The following DLC1 variants were observed in gnomAD, a reference collection of about 807,000 sequenced individuals.
DLC1 encodes the protein DLC1 Rho GTPase activating protein, also known as rho GTPase-activating protein 7.
Under a neutral mutation model 140.3 loss-of-function variants are expected in DLC1, and 54 were observed. The ratio of observed to expected loss-of-function variants is 0.38; its 90% CI spans 0.31 to 0.48. DLC1 has a LOEUF of 0.48. DLC1 is among the 20% of genes least tolerant of loss of function. The pLI, the probability that DLC1 is intolerant of heterozygous loss-of-function variation, is 0.96. For missense variants in DLC1, 2,536 were observed against 1,907.0 expected (o/e 1.33, Z -6.14); for synonymous variants, 986 against 728.1 (o/e 1.35, Z -5.70).
intron 5 of DLC1, among the ~76,000 whole-genome samples, chr8:13,243,885 C>T (rs1455043802): frequency 6.6e-6 from 1 of 152,090 alleles, no homozygotes; most frequent in African/African-American, 2.4e-5. Context: ...TTGACTGTCC[C>T]TCTCTCTTAA....
chr8:13,325,494 A>T (rs1375467397), intron 4 of DLC1, among the ~76,000 whole-genome samples: 1 of 151,846 alleles, frequency 6.6e-6, no homozygotes, highest in Non-Finnish European at 1.5e-5. Context: ...AATCTCACAG[A>T]GTCATGTATG....
chr8:13,465,411 A>G (rs1799886566), intron 2 of DLC1, among the ~76,000 whole-genome samples: 1 of 152,166 alleles, frequency 6.6e-6, no homozygotes, highest in South Asian at 2.1e-4. Context: ...CACTTGGTGT[A>G]TTTGACATTT....
At chr8:13,518,782 A>G (rs1429613433), upstream of DLC1, among the ~76,000 whole-genome samples, 1 of 152,320 alleles carries the variant, frequency 6.6e-6, no homozygotes, top group South Asian at 2.1e-4. Context: ...AAATATCTAC[A>G]TGCATACAGT....
At chr8:13,591,168 A>G (rs1805501812) in intron 1 of DLC1, among the ~76,000 whole-genome samples, 1 of 152,152 alleles carries the variant, frequency 6.6e-6, no homozygotes, top group Non-Finnish European at 1.5e-5. Flanking sequence ...TATTAAAAAT[A>G]GAATGGAAAC....
chr8:13,448,157 C>A (rs1025887034), intron 2 of DLC1, among the ~76,000 whole-genome samples: 1 of 152,032 alleles, frequency 6.6e-6, no homozygotes, highest in Non-Finnish European at 1.5e-5. Context: ...GCTGGGAAAG[C>A]GTCTCTCCAG....
At chr8:13,485,570 G>A (rs985910323) in intron 2 of DLC1, among the ~76,000 whole-genome samples, 2 of 152,190 alleles carry the variant, frequency 1.3e-5, no homozygotes, top group African/African-American at 4.8e-5. Flanking sequence ...ATCACTCACT[G>A]TATCAATGTA....
At chr8:13,296,087 C>G (rs897920055) in intron 5 of DLC1, among the ~76,000 whole-genome samples, 4 of 150,978 alleles carry the variant, frequency 2.6e-5, no homozygotes, top group Non-Finnish European at 4.4e-5. Context: ...TCCCGAGTAG[C>G]TGGGATCATA....
chr8:13,257,439 G>GAAAAAAAAAAAAAAAAAA (rs34452124), intron 5 of DLC1, among the ~76,000 whole-genome samples: 1 of 104,468 alleles, frequency 9.6e-6, no homozygotes, highest in African/African-American at 3.7e-5. Flanking sequence ...CCTGTCTCAG[G>GAAAAAAAAAAAAAAAAAA]AAAAAAAAAA....
Position 13,088,659 on chromosome 8 carries a change from C to T in DLC1, c.4120G>A (p.Val1374Ile), listed in dbSNP as rs1817776436. ...PLRLWRSVIE[V>I]PAVPEEILKR... The stretch of plus-strand genomic sequence containing the variant: ...AAGATTTCCTCTGGCACAGCAGGGA[C>T]TTCAATGACTGACCTCCAAAGCCTC... The change falls in exon 16 of 18, where the codon GTC becomes ATC. Residue 1374 changes from valine (V) to isoleucine (I), a missense_variant. Transcript: ENST00000276297. 6.2e-7 allele frequency: 1 copy of T among 1,614,048 alleles called. No homozygotes were observed.
chr8:13,270,639 A>G (rs1830892910), intron 5 of DLC1, among the ~76,000 whole-genome samples: 1 of 152,228 alleles, frequency 6.6e-6, no homozygotes, highest in African/African-American at 2.4e-5. Context: ...GAGTTCACAA[A>G]GATCAGCACA....
At chr8:13,103,839 C>CAAAAA (rs1002564334) in intron 7 of DLC1, among the ~76,000 whole-genome samples, 28 of 60,406 alleles carry the variant, frequency 4.6e-4, no homozygotes, top group African/African-American at 1.2e-3. Flanking sequence ...GACTCCATCT[C>CAAAAA]AAAAAAAAAA....
intron 1 of DLC1, among the ~76,000 whole-genome samples, chr8:13,530,060 G>A (rs1018626500): frequency 6.6e-6 from 1 of 152,134 alleles, no homozygotes; most frequent in Non-Finnish European, 1.5e-5. Flanking sequence ...AGAGCAAGGG[G>A]CACATCTGTG....
intron 4 of DLC1, among the ~76,000 whole-genome samples, chr8:13,366,601 A>G: frequency 6.6e-6 from 1 of 152,202 alleles, no homozygotes; most frequent in East Asian, 1.9e-4. Flanking sequence ...AGTTCAGACA[A>G]GAAGTTCAAA....
At chr8:13,141,280 A>G (rs1479178335) in intron 5 of DLC1, among the ~76,000 whole-genome samples, 1 of 141,510 alleles carries the variant, frequency 7.1e-6, no homozygotes, top group Non-Finnish European at 1.6e-5. Flanking sequence ...AAAAAAAAAA[A>G]AAAAGCCAGC....
chr8:13,108,876 G>A (rs918149799), intron 7 of DLC1, among the ~76,000 whole-genome samples: 2 of 152,042 alleles, frequency 1.3e-5, no homozygotes, highest in Admixed American at 6.6e-5. Flanking sequence ...TTCCCCTCCC[G>A]AAACTGCATC....
At chr8:13,326,460 G>A (rs882242) in intron 4 of DLC1, among the ~76,000 whole-genome samples, 13,651 of 152,146 alleles carry the variant, frequency 0.09, 662 homozygotes, top group African/African-American at 0.1. Context: ...ACATATAATT[G>A]TGCATATAGT....
intron 1 of DLC1, among the ~76,000 whole-genome samples, chr8:13,539,742 G>A (rs1803421494): frequency 8.4e-6 from 1 of 118,900 alleles, no homozygotes; most frequent in African/African-American, 3.3e-5. Flanking sequence ...ATTAAGAAAT[G>A]TGTGTGTATG....
chr8:13,458,796 C>T (rs138189926), intron 2 of DLC1, among the ~76,000 whole-genome samples: 1 of 151,232 alleles, frequency 6.6e-6, no homozygotes, highest in African/African-American at 2.4e-5. Context: ...ATAAAATAAT[C>T]TAAAAAACCA....
At chr8:13,460,751 T>C (rs946973470) in intron 2 of DLC1, among the ~76,000 whole-genome samples, 3 of 152,248 alleles carry the variant, frequency 2.0e-5, no homozygotes, top group Non-Finnish European at 4.4e-5. Context: ...TTACTACACA[T>C]GTGGGGCTTA....
Sources: gnomAD v4.1 joint callset for allele counts (sites outside exome capture counted in the v4.1 genomes callset) on GRCh38, gnomAD v4.1.1 for gene constraint, MANE v1.5 for transcripts, NCBI Gene and HGNC (gene_info 2026-07-23, HGNC 2026-07-21) for gene names.